Variants in GAB2 observed in about 807,000 individuals in gnomAD.
The protein encoded by GAB2 is GRB2 associated binding protein 2, also known as GRB2-associated-binding protein 2.
Under a neutral mutation model 65.5 loss-of-function variants are expected in GAB2, and 26 were observed. The observed-to-expected ratio is 0.40, with a 90% confidence interval of 0.29 to 0.55. The LOEUF (loss-of-function observed/expected upper bound fraction) is 0.55, where lower values mean the gene tolerates loss of function less well. Ranked by LOEUF, GAB2 falls within the 20% of genes least tolerant of loss-of-function variation. The probability of loss-of-function intolerance (pLI) is 0.53; values close to 1 mark genes in which losing one functional copy is unlikely to be tolerated. For synonymous variants in GAB2, 321 were observed against 329.6 expected (o/e 0.97, Z 0.28); for missense variants, 884 against 875.8 (o/e 1.01, Z -0.12).
At chr11:78,356,673 T>G (rs1458530605) in intron 1 of GAB2, among the ~76,000 whole-genome samples, 2 of 152,194 alleles carry the variant, frequency 1.3e-5, no homozygotes, top group African/African-American at 2.4e-5. Context: ...AATAGTAATT[T>G]TGAAAATGAG....
At chr11:78,312,128 C>G (rs1018418804) in intron 1 of GAB2, among the ~76,000 whole-genome samples, 1 of 151,156 alleles carries the variant, frequency 6.6e-6, no homozygotes, top group Non-Finnish European at 1.5e-5. Context: ...AGGGCACAAC[C>G]AACTGAATGT....
At chr11:78,276,546 A>G (rs1055828330) in intron 2 of GAB2, among the ~76,000 whole-genome samples, 1 of 152,122 alleles carries the variant, frequency 6.6e-6, no homozygotes, top group Non-Finnish European at 1.5e-5. Flanking sequence ...ATCTGGTTGC[A>G]TGCCTGTCCC....
intron 1 of GAB2, among the ~76,000 whole-genome samples, chr11:78,384,363 C>T (rs1183292206): frequency 1.3e-5 from 2 of 152,188 alleles, no homozygotes; most frequent in African/African-American, 2.4e-5. Flanking sequence ...GCAGGCACTT[C>T]CGGAGCTTCC....
intron 1 of GAB2, among the ~76,000 whole-genome samples, chr11:78,309,122 C>T (rs900833848): frequency 9.9e-5 from 15 of 151,928 alleles, no homozygotes; most frequent in African/African-American, 2.9e-4. Flanking sequence ...ATGAAAACTG[C>T]GGGAGAGAGA....
intron 2 of GAB2, among the ~76,000 whole-genome samples, chr11:78,275,310 A>T (rs1158844492): frequency 6.6e-6 from 1 of 152,176 alleles, no homozygotes; most frequent in Non-Finnish European, 1.5e-5. Context: ...AAGAAAAAAT[A>T]CTCAATTTCA....
intron 1 of GAB2, among the ~76,000 whole-genome samples, chr11:78,359,812 C>T (rs563278135): frequency 4.6e-5 from 7 of 152,132 alleles, no homozygotes; most frequent in Non-Finnish European, 1.0e-4. Context: ...GGGTGTAGTG[C>T]GTTGAATGGT....
At chr11:78,407,906 G>A (rs1225858370) in intron 1 of GAB2, among the ~76,000 whole-genome samples, 7 of 152,086 alleles carry the variant, frequency 4.6e-5, no homozygotes, top group African/African-American at 1.7e-4. Context: ...TTTTACAGGT[G>A]CTCAAAGAAA....
Position 78,226,926 on chromosome 11 carries a change from T to C in GAB2, c.746A>G (p.Tyr249Cys), listed in dbSNP as rs146509778. The change falls in exon 4 of 10, where the codon TAT becomes TGT. Residue 249 changes from tyrosine to cysteine, a missense_variant. By Grantham distance (194) the Tyr-to-Cys change is radical. Transcript: ENST00000361507. ...NGISGQVHGF[Y>C]SLPKPSRHNT... is the part of the protein sequence containing the mutation. ...GTGCCGGCTCGGCTTGGGAAGGCTA[T>C]AGAAGCCATGGACTTGACCACTGAT... 1,483 of 1,613,880 alleles carry C rather than the reference T, an allele frequency of 9.2e-4. No homozygotes were observed. Among genetic ancestry groups the C allele is most frequent in the Non-Finnish European group, 1.1e-3 (1,355 of 1,179,902 alleles).
rs150624961 is a variant in GAB2, at chr11:78,288,156, G to A, written c.76-7255C>T. ...GTACTTTAGGAGGCCGAGGCATGTG[G>A]ATTGCTTGAGGTCAGGAGTTCAAGA... is the stretch of plus-strand genomic sequence containing the variant. On this transcript the variant is annotated intron_variant, in intron 1 of 9. Transcript: ENST00000361507. Among the ~76,000 whole-genome samples the A allele has an allele frequency of 6.6e-3, 1,003 of 151,374 alleles. 6 individuals are homozygous for A. Among genetic ancestry groups the A allele is most frequent in the African/African-American group, 0.022 (927 of 41,290 alleles).
rs1211489889 is a variant in GAB2, at chr11:78,218,062, ACCC to A, written c.*1207_*1209del. 3 of 152,416 alleles carry A rather than the reference ACCC, an allele frequency of 2.0e-5. No individual in the cohort carries two copies. The highest frequency in any genetic ancestry group is 2.9e-5 in the Non-Finnish European group (2 of 68,330). 9.4% of individuals were successfully genotyped at this position (152,416 alleles called of 1,614,324 possible). On this transcript the variant is annotated 3_prime_UTR_variant, in exon 10 of 10. Transcript: ENST00000361507. Reference sequence around the variant, plus strand: ...TGCACCCCCAAGGATTGCGTTGGGCACCCCCCAACTCCCAGGCCCTTTGGATGT... The same window carrying A: ...TGCACCCCCAAGGATTGCGTTGGGCACCCAACTCCCAGGCCCTTTGGATGT...
At chr11:78,258,623 G>C (rs1257821302) in intron 2 of GAB2, among the ~76,000 whole-genome samples, 2 of 149,166 alleles carry the variant, frequency 1.3e-5, no homozygotes, top group African/African-American at 5.0e-5. Flanking sequence ...TTTGAGACAA[G>C]ATCGCGCACT....
intron 1 of GAB2, among the ~76,000 whole-genome samples, chr11:78,302,673 C>G (rs902362526): frequency 3.3e-5 from 5 of 152,228 alleles, no homozygotes; most frequent in African/African-American, 1.2e-4. Context: ...AATCCCACTA[C>G]TGGGTATCTA....
chr11:78,238,108 T>G (rs1207317226), intron 3 of GAB2, among the ~76,000 whole-genome samples: 2 of 151,162 alleles, frequency 1.3e-5, no homozygotes, highest in Non-Finnish European at 2.9e-5. Context: ...TGGGTTGATC[T>G]GTGCAGTAAA....
At chr11:78,315,211 T>G (rs985202754) in intron 1 of GAB2, among the ~76,000 whole-genome samples, 3 of 152,196 alleles carry the variant, frequency 2.0e-5, no homozygotes, top group African/African-American at 7.2e-5. Context: ...TATCCCAATC[T>G]TATTTTATTT....
intron 1 of GAB2, among the ~76,000 whole-genome samples, chr11:78,346,722 A>ATATATTTTT (rs1565168352): frequency 6.5e-5 from 2 of 30,794 alleles, no homozygotes; most frequent in African/African-American, 3.3e-4. Flanking sequence ...TATATATATA[A>ATATATTTTT]TTTTTTTTTT....
chr11:78,246,500 TTTTG>T (rs966021538), intron 3 of GAB2, among the ~76,000 whole-genome samples: 24 of 152,194 alleles, frequency 1.6e-4, no homozygotes, highest in African/African-American at 5.5e-4. Flanking sequence ...AGTGCTATTT[TTTTG>T]TTTGTTTGTT....
chr11:78,255,740 T>C (rs1056086823), intron 2 of GAB2, among the ~76,000 whole-genome samples: 1 of 152,240 alleles, frequency 6.6e-6, no homozygotes, highest in Non-Finnish European at 1.5e-5. Context: ...ACATTCTACA[T>C]GGCCATTCTG....
At chr11:78,277,868 C>G (rs997985595) in intron 2 of GAB2, among the ~76,000 whole-genome samples, 6 of 152,188 alleles carry the variant, frequency 3.9e-5, no homozygotes, top group Admixed American at 3.9e-4. Flanking sequence ...TTTGTTCCTG[C>G]TCTAACACTT....
intron 2 of GAB2, among the ~76,000 whole-genome samples, chr11:78,252,219 C>A (rs1400791259): frequency 9.2e-5 from 14 of 152,222 alleles, no homozygotes; most frequent in African/African-American, 2.9e-4. Context: ...ATTTCTGCTG[C>A]TGGGCAGGAC....
Sources: allele counts gnomAD v4.1 joint callset (sites outside exome capture counted in the v4.1 genomes callset), GRCh38; gene constraint gnomAD v4.1.1; transcripts MANE v1.5; gene names NCBI Gene and HGNC (gene_info 2026-07-23, HGNC 2026-07-21).